OSBPL6: variants seen among roughly 807,000 people sequenced by gnomAD.
The protein encoded by OSBPL6 is oxysterol binding protein like 6, also known as oxysterol-binding protein-related protein 6.
OSBPL6 carries 49 observed loss-of-function variants against 125.8 expected under a neutral mutation model. The observed-to-expected ratio is 0.39, with a 90% CI of 0.31 to 0.49. OSBPL6 has a LOEUF of 0.49. Among genes scored for constraint, OSBPL6 ranks in the 20% least tolerant of loss-of-function variants. The pLI, the probability that OSBPL6 is intolerant of heterozygous loss-of-function variation, is 0.88. For synonymous variants in OSBPL6, 394 were observed against 391.8 expected, an observed-to-expected ratio of 1.01 and a Z score of -0.07; for missense variants, 986 against 1,135.4, an observed-to-expected ratio of 0.87 and a Z score of 1.89.
chr2:178,278,644 T>A (rs1213604565), intron 1 of OSBPL6, among the ~76,000 whole-genome samples: 1 of 152,206 alleles, frequency 6.6e-6, no homozygotes, highest in Non-Finnish European at 1.5e-5. Flanking sequence ...TTTGTATATT[T>A]CATCTTCAGG....
chr2:178,198,935 A>T (rs2089076559), intron 1 of OSBPL6, among the ~76,000 whole-genome samples: 2 of 152,228 alleles, frequency 1.3e-5, no homozygotes, highest in Admixed American at 1.3e-4. Flanking sequence ...TAAGCATTCA[A>T]ATAGAACATT....
At chr2:178,394,183 G>C (rs946592214) in intron 23 of OSBPL6, 130 bp from the exon 24 acceptor site, 2 of 1,196,952 alleles carry the variant, frequency 1.7e-6, no homozygotes, top group African/African-American at 3.1e-5. Flanking sequence ...TGGCGACAGA[G>C]CAAGACTCCG....
chr2:178,220,142 A>G (rs2090274985), intron 1 of OSBPL6, among the ~76,000 whole-genome samples: 1 of 152,198 alleles, frequency 6.6e-6, no homozygotes. Context: ...GCATACACAT[A>G]ACAAATGCTA....
At chr2:178,390,726 G>C (rs369167611) in intron 21 of OSBPL6, among the ~76,000 whole-genome samples, 1 of 152,148 alleles carries the variant, frequency 6.6e-6, no homozygotes, top group Non-Finnish European at 1.5e-5. Flanking sequence ...AATTTCTGCA[G>C]CATGGCCAAT....
chr2:178,378,781 T>C (rs1281925184), intron 15 of OSBPL6, among the ~76,000 whole-genome samples: 1 of 152,210 alleles, frequency 6.6e-6, no homozygotes, highest in East Asian at 1.9e-4. Flanking sequence ...CATGTATACA[T>C]CTTACTCAAG....
intron 12 of OSBPL6, among the ~76,000 whole-genome samples, chr2:178,361,425 A>G (rs1692344619): frequency 6.6e-6 from 1 of 152,184 alleles, no homozygotes; most frequent in South Asian, 2.1e-4. Flanking sequence ...GATATTTTAC[A>G]TGCTACTTCC....
In OSBPL6 at chr2:178,385,493, T is replaced by C; in HGVS notation, c.2049T>C (p.Cys683=). The C allele has an allele frequency of 6.2e-7, 1 of 1,611,610 alleles. No individual in the cohort carries two copies. The highest frequency in any genetic ancestry group is 8.5e-7 in the Non-Finnish European group (1 of 1,178,124). Residue 683 remains cysteine (C), a synonymous_variant, in exon 19 of 25, where the codon TGT becomes TGC. Transcript: ENST00000190611. The part of the protein sequence containing the change: ...SHHPPISACH[C]ESKNFVFWQD... ...ATCCACCCATTTCTGCCTGTCACTG[T>C]GAATCAAAGAATTTTGTGTTTTGGC...
At chr2:178,242,706 T>C (rs2091339873) in intron 1 of OSBPL6, among the ~76,000 whole-genome samples, 2 of 152,248 alleles carry the variant, frequency 1.3e-5, no homozygotes, top group Admixed American at 1.3e-4. Context: ...AGTGATTTTA[T>C]ACCATCTTGT....
intron 1 of OSBPL6, among the ~76,000 whole-genome samples, chr2:178,246,266 A>C (rs181615988): frequency 6.6e-6 from 1 of 152,186 alleles, no homozygotes; most frequent in Non-Finnish European, 1.5e-5. Context: ...CACCAGGGCT[A>C]TCTGAGTTCC....
intron 1 of OSBPL6, among the ~76,000 whole-genome samples, chr2:178,233,606 C>T (rs1321280212): frequency 2.6e-5 from 4 of 152,192 alleles, no homozygotes; most frequent in Non-Finnish European, 5.9e-5. Flanking sequence ...AGAGCATCAT[C>T]CTGGGGATCC....
intron 3 of OSBPL6, among the ~76,000 whole-genome samples, chr2:178,310,478 C>T (rs576286305): frequency 1.3e-4 from 16 of 127,366 alleles, no homozygotes; most frequent in Admixed American, 3.0e-4. Flanking sequence ...AGTGCAGTGG[C>T]GCGATCTCGG....
In OSBPL6 at chr2:178,328,325, C is replaced by T. The variant is rs760860034; in HGVS notation, c.265C>T (p.His89Tyr). 2 of 1,613,778 alleles carry T rather than the reference C, an allele frequency of 1.2e-6. No homozygotes were observed. The highest frequency in any genetic ancestry group is 8.5e-7 in the Non-Finnish European group (1 of 1,179,864). The change falls in exon 5 of 25, where the codon CAT (histidine) becomes TAT (tyrosine). Residue 89 changes from histidine (H) to tyrosine (Y), a missense_variant. Transcript: ENST00000190611. ...GQTNVQKPDK[H>Y]EGFMLKKRKW... ...AACCAATGTCCAGAAACCAGACAAA[C>T]ATGAGGGCTTTATGCTGAAGAAAAG...
At chr2:178,297,379 C>T (rs1426991285) in intron 2 of OSBPL6, among the ~76,000 whole-genome samples, 1 of 152,166 alleles carries the variant, frequency 6.6e-6, no homozygotes, top group Admixed American at 6.5e-5. Context: ...GAGAGGATTG[C>T]TTGAGTCCAG....
intron 1 of OSBPL6, among the ~76,000 whole-genome samples, chr2:178,239,012 C>G (rs977788539): frequency 6.6e-6 from 1 of 152,282 alleles, no homozygotes; most frequent in South Asian, 2.1e-4. Flanking sequence ...GCCTTTCAAT[C>G]GTCTATGTGA....
At chr2:178,236,705 C>T (rs1050491324) in intron 1 of OSBPL6, among the ~76,000 whole-genome samples, 18 of 152,278 alleles carry the variant, frequency 1.2e-4, no homozygotes, top group South Asian at 1.0e-3. Context: ...TGAATTCTCC[C>T]GCCCCCGCTT....
intron 11 of OSBPL6, among the ~76,000 whole-genome samples, chr2:178,343,225 G>A (rs934134528): frequency 6.6e-6 from 1 of 152,020 alleles, no homozygotes; most frequent in Non-Finnish European, 1.5e-5. Flanking sequence ...ATTTGGAAAT[G>A]AAATTATTGC....
intron 11 of OSBPL6, among the ~76,000 whole-genome samples, chr2:178,347,454 T>C (rs1177390675): frequency 6.6e-6 from 1 of 152,204 alleles, no homozygotes; most frequent in African/African-American, 2.4e-5. Context: ...CATGACATCC[T>C]AATCTCCAGC....
Position 178,395,596 on chromosome 2 carries a change from G to A in OSBPL6, c.*37G>A. 2 of 1,411,132 alleles carry A rather than the reference G, an allele frequency of 1.4e-6. No individual in the cohort carries two copies. The highest frequency in any genetic ancestry group is 2.0e-6 in the Non-Finnish European group (2 of 1,002,014). 87.4% of individuals were successfully genotyped at this position (1,411,132 alleles called of 1,614,324 possible). ...AGAGCTAGCCAACATATCACATTCTGAATGAATAAATAACTATGCACAATT... is the reference window on the plus strand; with the variant it reads ...AGAGCTAGCCAACATATCACATTCTAAATGAATAAATAACTATGCACAATT... On this transcript the variant is annotated 3_prime_UTR_variant, in exon 25 of 25. Transcript: ENST00000190611.
chr2:178,328,375 C>T lies in OSBPL6; in HGVS notation c.315C>T (p.His105=), dbSNP rs1688882939. 1 of 1,612,382 alleles carries T rather than the reference C, an allele frequency of 6.2e-7. No individual in the cohort carries two copies. The highest frequency in any genetic ancestry group is 1.7e-5 in the Admixed American group (1 of 59,712). ...GAAAATGGCCTTTAAAAGGCTGGCA[C>T]AAGGTAACATTTTTATCATATTCAG... ...KKRKWPLKGW[H]KRFFVLDNGM... The change falls in exon 5 of 25, where the codon CAC becomes CAT. Residue 105 remains histidine (H), a synonymous_variant. Transcript: ENST00000190611.
Sources: gnomAD v4.1 joint callset for allele counts (sites outside exome capture counted in the v4.1 genomes callset) on GRCh38, gnomAD v4.1.1 for gene constraint, MANE v1.5 for transcripts, NCBI Gene and HGNC (gene_info 2026-07-23, HGNC 2026-07-21) for gene names.